Variants in SOX5 observed in about 807,000 individuals in gnomAD.
SOX5 encodes the protein transcription factor SOX-5.
In SOX5, 9 loss-of-function variants were observed where a neutral mutation model predicts 92.0. The ratio of observed to expected loss-of-function variants is 0.10; its 90% CI spans 0.06 to 0.17. SOX5 has a LOEUF of 0.17. SOX5 is among the 10% of genes least tolerant of loss of function. The pLI, the probability that SOX5 is intolerant of heterozygous loss-of-function variation, is 1.00. For missense variants in SOX5, 642 were observed against 944.5 expected (o/e 0.68, Z 4.20); for synonymous variants, 344 against 336.3 (o/e 1.02, Z -0.25).
At chr12:23,714,879 T>C (rs1054822049) in intron 6 of SOX5, among the ~76,000 whole-genome samples, 9 of 152,184 alleles carry the variant, frequency 5.9e-5, no homozygotes, top group African/African-American at 2.2e-4. Flanking sequence ...TTTGATCAAA[T>C]TTCTATGCAT....
chr12:24,193,355 C>T (rs1348659161), intron 4 of SOX5, among the ~76,000 whole-genome samples: 1 of 152,168 alleles, frequency 6.6e-6, no homozygotes, highest in African/African-American at 2.4e-5. Flanking sequence ...TGATGACAAC[C>T]AGCAGTAAGT....
At chr12:24,411,279 T>C (rs1349336050) in intron 1 of SOX5, among the ~76,000 whole-genome samples, 2 of 152,140 alleles carry the variant, frequency 1.3e-5, no homozygotes, top group Admixed American at 1.3e-4. Flanking sequence ...TTTATTTTTG[T>C]CCTTTATAAT....
At chr12:23,923,202 C>T (rs1479030702) in intron 1 of SOX5, among the ~76,000 whole-genome samples, 1 of 152,048 alleles carries the variant, frequency 6.6e-6, no homozygotes, top group Non-Finnish European at 1.5e-5. Flanking sequence ...CTGCCCGCCT[C>T]GGCCTCCCAA....
intron 2 of SOX5, among the ~76,000 whole-genome samples, chr12:24,279,983 C>T (rs1234616757): frequency 6.6e-6 from 1 of 152,114 alleles, no homozygotes; most frequent in African/African-American, 2.4e-5. Flanking sequence ...AATCATGCTG[C>T]TCTTCCTTCT....
intron 6 of SOX5, among the ~76,000 whole-genome samples, chr12:23,699,334 A>G (rs916869675): frequency 3.3e-5 from 5 of 152,064 alleles, no homozygotes; most frequent in African/African-American, 9.7e-5. Context: ...TTTGTCTCAT[A>G]TATTTTCTCT....
intron 1 of SOX5, among the ~76,000 whole-genome samples, chr12:24,503,116 T>C (rs536683491): frequency 5.8e-4 from 88 of 152,388 alleles, no homozygotes; most frequent in South Asian, 1.2e-3. Context: ...TGTATGTTTA[T>C]TTCCTAGTTT....
intron 2 of SOX5, among the ~76,000 whole-genome samples, chr12:23,850,892 CAG>C (rs1568335438): frequency 6.6e-6 from 1 of 152,154 alleles, no homozygotes; most frequent in African/African-American, 2.4e-5. Context: ...TATAGTTTTA[CAG>C]AGTTAATTTT....
chr12:23,922,599 G>A (rs759108216), intron 1 of SOX5, among the ~76,000 whole-genome samples: 10 of 152,146 alleles, frequency 6.6e-5, no homozygotes, highest in Non-Finnish European at 1.3e-4. Context: ...GTCTTTAGAC[G>A]CTATTACAGA....
chr12:24,301,128 G>A (rs540985398), intron 2 of SOX5, among the ~76,000 whole-genome samples: 4 of 152,306 alleles, frequency 2.6e-5, no homozygotes, highest in East Asian at 1.9e-4. Flanking sequence ...CAAGCAGCCC[G>A]CAAGCTCTGC....
chr12:24,490,463 G>C (rs1418814296), intron 1 of SOX5, among the ~76,000 whole-genome samples: 1 of 152,014 alleles, frequency 6.6e-6, no homozygotes, highest in East Asian at 1.9e-4. Context: ...TTTTTACAAA[G>C]CATTTTCTTT....
In SOX5 at chr12:23,584,733, GTGTGTGTGTGTGTGTA is replaced by G. The variant is rs911268839; in HGVS notation, c.1165-8911_1165-8896del. 413 of 449,182 alleles carry G rather than the reference GTGTGTGTGTGTGTGTA, an allele frequency of 9.2e-4. 5 individuals are homozygous for G. In the African/African-American group the frequency reaches 9.5e-3, roughly 10 times the overall value. The allele number at this position is 449,182 out of a possible 1,614,324, so 27.8% of individuals were successfully genotyped here. ...ACCTTGGAGAAGGACAGGTGTGAGT[GTGTGTGTGTGTGTGTA>G]TGTGTGTGTGTTTAATGGATTAAAC... On this transcript the variant is annotated intron_variant, in intron 9 of 14. Transcript: ENST00000451604.
chr12:23,560,356 AT>A (rs1435176742), intron 11 of SOX5, among the ~76,000 whole-genome samples: 2 of 152,220 alleles, frequency 1.3e-5, no homozygotes, highest in Non-Finnish European at 2.9e-5. Flanking sequence ...CCAATTACTA[AT>A]CCACATATTT....
At chr12:24,365,111 G>A (rs1326905908) in intron 2 of SOX5, among the ~76,000 whole-genome samples, 3 of 152,040 alleles carry the variant, frequency 2.0e-5, no homozygotes, top group Non-Finnish European at 2.9e-5. Flanking sequence ...CATTCATGAC[G>A]AACAGTGCTA....
At chr12:23,556,131 T>C (rs1297498392) in intron 11 of SOX5, among the ~76,000 whole-genome samples, 1 of 152,146 alleles carries the variant, frequency 6.6e-6, no homozygotes, top group African/African-American at 2.4e-5. Flanking sequence ...CCATAAGAAG[T>C]GTTCCCTAGC....
chr12:23,658,016 G>A (rs901736257), intron 7 of SOX5, among the ~76,000 whole-genome samples: 9 of 152,216 alleles, frequency 5.9e-5, no homozygotes, highest in Middle Eastern at 6.8e-3. Context: ...TTGTGTGTAC[G>A]TATTTTGGTG....
intron 3 of SOX5, among the ~76,000 whole-genome samples, chr12:24,269,317 A>G (rs370638267): frequency 5.3e-5 from 8 of 152,340 alleles, no homozygotes; most frequent in Middle Eastern, 6.8e-3. Flanking sequence ...GGTTAAAGCA[A>G]ATAACTATAA....
rs190880364 is a variant in SOX5 at position 23,838,334 on chromosome 12, T to C, written c.481+7649A>G. On this transcript the variant is annotated intron_variant, in intron 3 of 14. Coordinates refer to ENST00000451604, the MANE Select transcript of SOX5 (RefSeq NM_006940.6). ...AAGATCATTGCCTTACTCAAATACATAAATTACTCCTTGATGCATCTCTCC... is the reference window on the plus strand; with the variant it reads ...AAGATCATTGCCTTACTCAAATACACAAATTACTCCTTGATGCATCTCTCC... Among the ~76,000 whole-genome samples, 463 of 151,540 alleles carry C rather than the reference T, an allele frequency of 3.1e-3. 1 individual carries two copies. The highest frequency in any genetic ancestry group is 4.8e-3 in the Admixed American group (73 of 15,076).
intron 4 of SOX5, among the ~76,000 whole-genome samples, chr12:24,067,051 G>A (rs562352265): frequency 6.6e-6 from 1 of 152,224 alleles, no homozygotes; most frequent in East Asian, 1.9e-4. Context: ...GTCTAAAGGT[G>A]GCCTGGCCAG....
intron 6 of SOX5, among the ~76,000 whole-genome samples, chr12:23,689,965 C>A (rs775119261): frequency 6.6e-6 from 1 of 152,154 alleles, no homozygotes; most frequent in Non-Finnish European, 1.5e-5. Flanking sequence ...TTGTTTATTT[C>A]ACAATGACTT....
Sources: allele counts gnomAD v4.1 joint callset (sites outside exome capture counted in the v4.1 genomes callset), GRCh38; gene constraint gnomAD v4.1.1; transcripts MANE v1.5; gene names NCBI Gene and HGNC (gene_info 2026-07-23, HGNC 2026-07-21).